Variants in OPA1 observed in about 807,000 individuals in gnomAD.
The protein encoded by OPA1 is OPA1 mitochondrial dynamin like GTPase.
A neutral mutation model predicts 152.9 loss-of-function variants in OPA1; 59 were observed. The ratio of observed to expected loss-of-function variants is 0.39; its 90% CI spans 0.31 to 0.48. OPA1 has a LOEUF of 0.48. Ranked by LOEUF, OPA1 falls within the 20% of genes least tolerant of loss-of-function variation. OPA1 has a pLI of 0.96. For synonymous variants in OPA1, 400 were observed against 389.9 expected, an observed-to-expected ratio of 1.03 and a Z score of -0.31; for missense variants, 1,008 against 1,216.8, an observed-to-expected ratio of 0.83 and a Z score of 2.55.
At chr3:193,650,395 C>T (rs939176670) in intron 21 of OPA1, among the ~76,000 whole-genome samples, 2 of 152,128 alleles carry the variant, frequency 1.3e-5, no homozygotes, top group African/African-American at 4.8e-5. Context: ...CAGGTCCAAG[C>T]CTTAGCTGTT....
At chr3:193,625,173 C>T (rs1457548256) in intron 6 of OPA1, among the ~76,000 whole-genome samples, 1 of 151,990 alleles carries the variant, frequency 6.6e-6, no homozygotes, top group Non-Finnish European at 1.5e-5. Context: ...CAGGAAATGA[C>T]ATCATGCCAC....
Position 193,650,133 on chromosome 3 carries a change from A to T in OPA1, c.2012+1262A>T, listed in dbSNP as rs374616891. On this transcript the variant is annotated intron_variant, in intron 21 of 30. Coordinates refer to ENST00000361510, the MANE Select transcript of OPA1 (RefSeq NM_130837.3). ...TTGGACAGAGCAACCCTGAAATCAA[A>T]GTATTTCTTCACTAAAGTGAGCCTT... Among the ~76,000 whole-genome samples, 31 of 152,328 alleles carry T rather than the reference A, an allele frequency of 2.0e-4. 1 individual carries two copies. The East Asian group carries it at 2.5e-3, about 12-fold the overall frequency.
rs199859654 is a variant in OPA1, at chr3:193,634,284, A to AAAC, written c.844-1132_844-1131insCAA. The stretch of plus-strand genomic sequence containing the variant: ...ATGTGTAGACAAGCAACTACTTACA[A>AAAC]AAAAAAAACCTGTTTAGACATATTA... On this transcript the variant is annotated intron_variant, in intron 8 of 30. Transcript: ENST00000361510. Among the ~76,000 whole-genome samples, 345 of 151,212 alleles carry AAAC rather than the reference A, an allele frequency of 2.3e-3. 3 individuals carry two copies. Among genetic ancestry groups the AAAC allele is most frequent in the Non-Finnish European group, 1.5e-3 (102 of 67,738 alleles).
intron 1 of OPA1, among the ~76,000 whole-genome samples, chr3:193,608,199 T>G (rs2108829206): frequency 6.6e-6 from 1 of 152,342 alleles, no homozygotes; most frequent in African/African-American, 2.4e-5. Flanking sequence ...TGTCTCTATC[T>G]CCTTCAGTTC....
At chr3:193,666,840 T>C (rs1306209781) in intron 28 of OPA1, among the ~76,000 whole-genome samples, 1 of 152,056 alleles carries the variant, frequency 6.6e-6, no homozygotes, top group Admixed American at 6.6e-5. Context: ...TAAATCATAA[T>C]TGGAAAAGAT....
chr3:193,654,907 T>G lies in OPA1; in HGVS notation c.2058T>G (p.His686Gln). The G allele has an allele frequency of 1.2e-6, 2 of 1,613,984 alleles. No homozygotes were observed. Among genetic ancestry groups the G allele is most frequent in the South Asian group, 2.2e-5 (2 of 91,084 alleles). ...CTTTGTGGGAAAGAGTATCAACTCA[T>G]GTGATTGAAAACATCTACCTTCCAG... ...QQSLWERVST[H>Q]VIENIYLPAA... Residue 686 changes from histidine to glutamine, a missense_variant, in exon 22 of 31, where the codon CAT becomes CAG. By Grantham distance (24) the His-to-Gln change is conservative. Around this residue, in one of 7 missense-constraint regions of OPA1, gnomAD observed 229 missense variants for 269.0 expected, o/e 0.85. Coordinates refer to ENST00000361510, the MANE Select transcript of OPA1 (RefSeq NM_130837.3).
chr3:193,673,990 C>T (rs1434200905), intron 29 of OPA1, among the ~76,000 whole-genome samples: 1 of 152,240 alleles, frequency 6.6e-6, no homozygotes, highest in Non-Finnish European at 1.5e-5. Flanking sequence ...CGCGAGGTGG[C>T]AACAGCTGGC....
intron 22 of OPA1, among the ~76,000 whole-genome samples, chr3:193,655,660 T>C (rs1280027268): frequency 1.3e-5 from 2 of 152,212 alleles, no homozygotes; most frequent in Non-Finnish European, 2.9e-5. Context: ...AGCATTGTTA[T>C]AAGGATTAAG....
intron 29 of OPA1, 171 bp from the exon 30 acceptor site, chr3:193,691,892 C>T (rs572595088): frequency 1.8e-6 from 1 of 551,426 alleles, no homozygotes; most frequent in African/African-American, 1.9e-5. Context: ...TGTCTGAGAC[C>T]TACTACTATA....
intron 29 of OPA1, among the ~76,000 whole-genome samples, chr3:193,685,507 G>A (rs1720820654): frequency 6.6e-6 from 1 of 152,112 alleles, no homozygotes; most frequent in Admixed American, 6.5e-5. Context: ...AACTATGAAT[G>A]CATGAATATT....
chr3:193,690,900 A>G (rs1721586603), intron 29 of OPA1, among the ~76,000 whole-genome samples: 1 of 152,104 alleles, frequency 6.6e-6, no homozygotes, highest in African/African-American at 2.4e-5. Flanking sequence ...AATATTTATC[A>G]TGCTTACTAT....
intron 1 of OPA1, among the ~76,000 whole-genome samples, chr3:193,593,816 C>A (rs1031540604): frequency 1.3e-5 from 2 of 152,074 alleles, no homozygotes; most frequent in African/African-American, 4.8e-5. Flanking sequence ...TCCTAACTCT[C>A]GGTGTCTTCT....
chr3:193,599,076 G>C (rs1726057875), intron 1 of OPA1, among the ~76,000 whole-genome samples: 1 of 152,034 alleles, frequency 6.6e-6, no homozygotes, highest in Non-Finnish European at 1.5e-5. Context: ...CTTTCTCATT[G>C]CTGCCACCTA....
intron 11 of OPA1, among the ~76,000 whole-genome samples, 174 bp downstream of exon 11, chr3:193,638,239 A>C (rs1261992005): frequency 1.3e-5 from 2 of 152,238 alleles, no homozygotes; most frequent in Admixed American, 1.3e-4. Context: ...CCAGTGTGGC[A>C]GGAGCTGAGT....
At chr3:193,618,062 A>T (rs1180688431) in intron 5 of OPA1, among the ~76,000 whole-genome samples, 1 of 152,244 alleles carries the variant, frequency 6.6e-6, no homozygotes, top group African/African-American at 2.4e-5. Context: ...TATAAGATTA[A>T]AGCTATTAAA....
intron 1 of OPA1, among the ~76,000 whole-genome samples, chr3:193,601,186 G>T (rs1200414774): frequency 2.0e-5 from 3 of 151,994 alleles, no homozygotes; most frequent in Non-Finnish European, 4.4e-5. Flanking sequence ...TTTAAATTCC[G>T]TACAAATGGT....
intron 9 of OPA1, 131 bp downstream of exon 9, chr3:193,635,653 T>G: frequency 1.5e-6 from 1 of 668,018 alleles, no homozygotes; most frequent in Non-Finnish European, 2.7e-6. Context: ...GCTTGGAGGA[T>G]GGAGGATCTC....
chr3:193,631,811 C>G (rs1732124367), intron 8 of OPA1, 146 bp downstream of exon 8: 2 of 695,150 alleles, frequency 2.9e-6, no homozygotes, highest in Non-Finnish European at 5.2e-6. Context: ...GATGCAAAAG[C>G]TAATTGAGAA....
intron 29 of OPA1, among the ~76,000 whole-genome samples, chr3:193,690,196 T>TC (rs1721476830): frequency 6.6e-6 from 1 of 151,816 alleles, no homozygotes; most frequent in Admixed American, 6.6e-5. Flanking sequence ...TAGGATTTTT[T>TC]TTTTTAAGTT....
Sources: gnomAD v4.1 joint callset for allele counts (sites outside exome capture counted in the v4.1 genomes callset) on GRCh38, gnomAD v4.1.1 for gene constraint, gnomAD v4.1.1 regional missense constraint, MANE v1.5 for transcripts, NCBI Gene and HGNC (gene_info 2026-07-23, HGNC 2026-07-21) for gene names.